CFDP1: variants seen among roughly 807,000 people sequenced by gnomAD.
The protein encoded by CFDP1 is heterochromatin-stabilizing protein CFDP1.
Under a neutral mutation model 40.1 loss-of-function variants are expected in CFDP1, and 31 were observed. That is an observed-to-expected ratio of 0.77 (90% CI 0.58 to 1.04). The LOEUF is 1.04. Ranked by LOEUF, CFDP1 falls within the 50% of genes least tolerant of loss-of-function variation. The pLI is 0.00. For missense variants in CFDP1, 423 were observed against 343.4 expected (o/e 1.23, Z -1.83); for synonymous variants, 167 against 120.0 (o/e 1.39, Z -2.56).
chr16:75,303,396 A>ATGTATGT (rs1555552208), intron 6 of CFDP1, among the ~76,000 whole-genome samples: 19 of 60,100 alleles, frequency 3.2e-4, no homozygotes, highest in South Asian at 1.8e-3. Context: ...TAAATAAATA[A>ATGTATGT]ATAAATGTAT....
intron 5 of CFDP1, among the ~76,000 whole-genome samples, chr16:75,392,223 G>C (rs1243286106): frequency 6.6e-6 from 1 of 151,924 alleles, no homozygotes; most frequent in Non-Finnish European, 1.5e-5. Context: ...GGCCAACATA[G>C]TGAAACCCCA....
intron 4 of CFDP1, 61 bp downstream of exon 4, chr16:75,411,764 G>C (rs1334924299): frequency 6.6e-7 from 1 of 1,507,754 alleles, no homozygotes; most frequent in African/African-American, 1.4e-5. Context: ...GCTAACACCA[G>C]TTAGAGAGAG....
At chr16:75,369,395 A>G (rs930198455) in intron 5 of CFDP1, among the ~76,000 whole-genome samples, 2 of 152,086 alleles carry the variant, frequency 1.3e-5, no homozygotes, top group African/African-American at 4.8e-5. Flanking sequence ...AAAAAACAAA[A>G]ACAAAACAAC....
chr16:75,400,720 C>A (rs913015490), intron 4 of CFDP1, among the ~76,000 whole-genome samples: 6 of 152,138 alleles, frequency 3.9e-5, no homozygotes, highest in African/African-American at 1.2e-4. Flanking sequence ...CCAGAGCAAC[C>A]CTGAAGCCTA....
At chr16:75,349,472 G>C (rs2078592970) in intron 5 of CFDP1, among the ~76,000 whole-genome samples, 1 of 149,778 alleles carries the variant, frequency 6.7e-6, no homozygotes, top group Admixed American at 6.7e-5. Flanking sequence ...TCATGCCACT[G>C]CACTCTAGCC....
intron 5 of CFDP1, among the ~76,000 whole-genome samples, chr16:75,353,125 G>C (rs1012568405): frequency 1.4e-4 from 21 of 152,118 alleles, no homozygotes; most frequent in Non-Finnish European, 1.8e-4. Context: ...AGATGGAATA[G>C]AAATCTGATG....
intron 5 of CFDP1, among the ~76,000 whole-genome samples, chr16:75,308,270 G>A (rs1223138548): frequency 6.6e-6 from 1 of 152,132 alleles, no homozygotes; most frequent in East Asian, 1.9e-4. Context: ...AGTTCTGGTG[G>A]CATCAAGCCC....
intron 6 of CFDP1, among the ~76,000 whole-genome samples, chr16:75,304,152 T>A (rs1398393583): frequency 6.6e-6 from 1 of 152,150 alleles, no homozygotes; most frequent in Non-Finnish European, 1.5e-5. Flanking sequence ...CACTGCAACC[T>A]CCACCTAGTG....
intron 4 of CFDP1, among the ~76,000 whole-genome samples, chr16:75,407,048 T>A (rs1246589989): frequency 6.6e-6 from 1 of 151,900 alleles, no homozygotes; most frequent in Non-Finnish European, 1.5e-5. Flanking sequence ...AACAAATAAA[T>A]GAAATAAAAT....
At chr16:75,377,385 G>A (rs2078809143) in intron 5 of CFDP1, among the ~76,000 whole-genome samples, 1 of 152,060 alleles carries the variant, frequency 6.6e-6, no homozygotes, top group Admixed American at 6.6e-5. Flanking sequence ...CCACTATATT[G>A]GTGTGAGTCC....
chr16:75,341,173 G>A (rs901640231), intron 5 of CFDP1, among the ~76,000 whole-genome samples: 5 of 152,080 alleles, frequency 3.3e-5, no homozygotes, highest in Non-Finnish European at 7.3e-5. Context: ...GGGTCTTCCT[G>A]ACAAGGCACC....
intron 1 of CFDP1, among the ~76,000 whole-genome samples, chr16:75,421,645 G>C (rs1171294584): frequency 6.6e-6 from 1 of 152,016 alleles, no homozygotes; most frequent in South Asian, 2.1e-4. Context: ...CCCTAAACAA[G>C]CATACAAGGT....
At chr16:75,401,015 G>A (rs1313766922) in intron 4 of CFDP1, among the ~76,000 whole-genome samples, 2 of 152,202 alleles carry the variant, frequency 1.3e-5, no homozygotes, top group Non-Finnish European at 2.9e-5. Context: ...AAAGCATCCA[G>A]CTTGACACAG....
At chr16:75,393,188 C>T (rs2078967004) in intron 5 of CFDP1, among the ~76,000 whole-genome samples, 1 of 152,164 alleles carries the variant, frequency 6.6e-6, no homozygotes, top group Non-Finnish European at 1.5e-5. Context: ...CTGTGTTCTT[C>T]CCAATCTCTA....
intron 1 of CFDP1, among the ~76,000 whole-genome samples, chr16:75,426,694 A>T (rs940696764): frequency 3.9e-5 from 6 of 152,110 alleles, no homozygotes; most frequent in Non-Finnish European, 8.8e-5. Flanking sequence ...ACCAAAAAAA[A>T]TTGCTGTGCA....
intron 5 of CFDP1, among the ~76,000 whole-genome samples, chr16:75,366,598 G>C (rs1428171108): frequency 6.6e-6 from 1 of 152,122 alleles, no homozygotes; most frequent in African/African-American, 2.4e-5. Flanking sequence ...ACTCTAACCT[G>C]GAGTGGATAG....
intron 1 of CFDP1, among the ~76,000 whole-genome samples, chr16:75,428,715 G>GAAAGGA (rs911959871): frequency 2.0e-5 from 3 of 150,976 alleles, no homozygotes; most frequent in South Asian, 2.1e-4. Flanking sequence ...AGAGAGGAAA[G>GAAAGGA]AAAGGAAAAG....
chr16:75,358,431 G>A (rs2078660294), intron 5 of CFDP1, among the ~76,000 whole-genome samples: 2 of 151,972 alleles, frequency 1.3e-5, no homozygotes, highest in Non-Finnish European at 2.9e-5. Context: ...ATAAAAAAAT[G>A]AAACAGCAAG....
chr16:75,353,841 A>G lies in CFDP1; in HGVS notation c.650+41249T>C, dbSNP rs1597349888. On this transcript the variant is annotated intron_variant, in intron 5 of 6. Coordinates refer to ENST00000283882, the MANE Select transcript of CFDP1 (RefSeq NM_006324.3). ...GACCATGGTATTAAAAGAAATAATG[A>G]TAAAAAATTCCTTAACAGAGTTTTC... Among the ~76,000 whole-genome samples the G allele has an allele frequency of 2.6e-5, 4 of 151,832 alleles. No individual in the cohort carries two copies. The East Asian group carries it at 5.8e-4, about 22-fold the overall frequency.
Sources: gnomAD v4.1 joint callset for allele counts (sites outside exome capture counted in the v4.1 genomes callset) on GRCh38, gnomAD v4.1.1 for gene constraint, MANE v1.5 for transcripts, NCBI Gene and HGNC (gene_info 2026-07-23, HGNC 2026-07-21) for gene names.